The following MTMR8 variants were observed in gnomAD, a reference collection of about 807,000 sequenced individuals.
The protein encoded by MTMR8 is myotubularin related protein 8, also known as phosphatidylinositol-3,5-bisphosphate 3-phosphatase MTMR8.
A neutral mutation model predicts 39.3 loss-of-function variants in MTMR8; 65 were observed. That is an observed-to-expected ratio of 1.65 (90% CI 1.35 to 2.03). The LOEUF (loss-of-function observed/expected upper bound fraction) is 2.03, where lower values mean the gene tolerates loss of function less well. MTMR8 is among the 30% of genes most tolerant of loss of function. MTMR8 has a pLI of 0.00. For missense variants in MTMR8, 777 were observed against 538.9 expected, an observed-to-expected ratio of 1.44 and a Z score of -4.37; for synonymous variants, 245 against 185.2, an observed-to-expected ratio of 1.32 and a Z score of -2.62.
intron 12 of MTMR8, among the ~76,000 whole-genome samples, chrX:64,320,036 G>A (rs756045651): frequency 9.0e-6 from 1 of 111,488 alleles, no homozygotes; most frequent in East Asian, 2.8e-4. Flanking sequence ...CTATCCATGA[G>A]CATGGAATGT....
At chrX:64,269,860 G>A (rs979993810) in intron 13 of MTMR8, among the ~76,000 whole-genome samples, 9 of 111,708 alleles carry the variant, frequency 8.1e-5, no homozygotes, top group African/African-American at 2.9e-4. Context: ...ATTAAAAAAA[G>A]AAAGTTAATA....
At chrX:64,354,003 A>G (rs1923551552) in intron 4 of MTMR8, among the ~76,000 whole-genome samples, 1 of 110,730 alleles carries the variant, frequency 9.0e-6, no homozygotes, top group South Asian at 3.8e-4. Flanking sequence ...TAATCCTGTC[A>G]TTTGCAACAA....
intron 1 of MTMR8, among the ~76,000 whole-genome samples, chrX:64,359,891 AAGAT>A: frequency 9.3e-6 from 1 of 107,256 alleles, no homozygotes; most frequent in African/African-American, 3.4e-5. Context: ...AAATAACATG[AAGAT>A]AGATCTTACG....
intron 12 of MTMR8, among the ~76,000 whole-genome samples, chrX:64,297,873 T>C (rs1281533016): frequency 9.3e-6 from 1 of 107,026 alleles, no homozygotes. Flanking sequence ...CTCAGGTTTG[T>C]CAAAGATCAG....
intron 12 of MTMR8, among the ~76,000 whole-genome samples, chrX:64,281,925 CAA>C (rs200794848): frequency 4.7e-5 from 4 of 85,200 alleles, no homozygotes; most frequent in Non-Finnish European, 2.3e-5. Context: ...AGATACTTCT[CAA>C]AAAAAAAAAA....
chrX:64,274,674 C>A (rs1475799957), intron 12 of MTMR8, among the ~76,000 whole-genome samples: 1 of 111,727 alleles, frequency 9.0e-6, no homozygotes, highest in African/African-American at 3.3e-5. Flanking sequence ...CAATAGATGA[C>A]TGAATAAAGA....
chrX:64,327,254 AC>A lies in MTMR8; in HGVS notation c.1481+1517del, dbSNP rs756492864. ...AATCAACAAAGTGAAGAGATAACCC[AC>A]AGAATGGAAGAAAATATTTGCAAAC... On this transcript the variant is annotated intron_variant, in intron 12 of 13. Transcript: ENST00000374852. Among the ~76,000 whole-genome samples, 25 of 112,111 alleles carry A rather than the reference AC, an allele frequency of 2.2e-4. No individual in the cohort carries two copies. In the East Asian group the frequency reaches 3.6e-3, roughly 16 times the overall value.
chrX:64,338,128 G>C (rs1923123323), intron 8 of MTMR8, among the ~76,000 whole-genome samples: 1 of 111,959 alleles, frequency 8.9e-6, no homozygotes, highest in South Asian at 3.7e-4. Flanking sequence ...ATATTCTTTT[G>C]CAGGAGCCAG....
At chrX:64,286,763 C>G (rs1569210284) in intron 12 of MTMR8, among the ~76,000 whole-genome samples, 1 of 111,460 alleles carries the variant, frequency 9.0e-6, no homozygotes, top group Non-Finnish European at 1.9e-5. Flanking sequence ...AATTCAACAG[C>G]CCTTCATGCT....
intron 12 of MTMR8, among the ~76,000 whole-genome samples, chrX:64,300,770 T>C (rs1342679959): frequency 9.5e-6 from 1 of 105,601 alleles, no homozygotes; most frequent in Non-Finnish European, 2.0e-5. Context: ...AGGGCAGGCC[T>C]GGTGGTGACA....
intron 1 of MTMR8, among the ~76,000 whole-genome samples, chrX:64,361,265 C>A (rs1472317339): frequency 9.0e-6 from 1 of 111,021 alleles, no homozygotes; most frequent in African/African-American, 3.3e-5. Context: ...ACTAAACTTC[C>A]AAAATATAAT....
At chrX:64,306,547 A>G (rs1456811502) in intron 12 of MTMR8, 1 of 120,948 alleles carries the variant, frequency 8.3e-6, no homozygotes, top group Non-Finnish European at 1.7e-5. Flanking sequence ...TACACTCCAT[A>G]ATCATCATTT....
At chrX:64,359,636 T>G in intron 1 of MTMR8, 109 bp from the exon 2 acceptor site, 1 of 800,362 alleles carries the variant, frequency 1.2e-6, no homozygotes, top group Non-Finnish European at 1.7e-6. Flanking sequence ...AAAACTCGAG[T>G]CTTTCCAGTT....
chrX:64,298,243 C>G (rs2147197493), intron 12 of MTMR8, among the ~76,000 whole-genome samples: 1 of 104,245 alleles, frequency 9.6e-6, no homozygotes, highest in South Asian at 4.5e-4. Flanking sequence ...TTGTTTGTAT[C>G]CTCTTTTATT....
chrX:64,358,780 C>A (rs1923694874), intron 2 of MTMR8, among the ~76,000 whole-genome samples: 1 of 108,776 alleles, frequency 9.2e-6, no homozygotes, highest in African/African-American at 3.4e-5. Context: ...TGTTGGGGTG[C>A]TGAATTAATT....
chrX:64,374,796 A>T (rs905593775), intron 1 of MTMR8, among the ~76,000 whole-genome samples: 1 of 110,602 alleles, frequency 9.0e-6, no homozygotes, highest in Non-Finnish European at 1.9e-5. Context: ...GGTGGGCTGC[A>T]AATCCAGTGA....
chrX:64,273,455 T>C (rs1448394319), intron 12 of MTMR8, among the ~76,000 whole-genome samples: 1 of 98,771 alleles, frequency 1.0e-5, no homozygotes, highest in African/African-American at 3.7e-5. Context: ...GTGAAAGAAA[T>C]CAAAGCATAC....
At chrX:64,384,297 G>T (rs1278979549) in intron 1 of MTMR8, among the ~76,000 whole-genome samples, 1 of 111,592 alleles carries the variant, frequency 9.0e-6, no homozygotes, top group African/African-American at 3.3e-5. Context: ...GTAGGTGAAT[G>T]CCTCCAGGTT....
rs574063609 is a variant in MTMR8 at position 64,305,966 on chromosome X, T to A, written c.1481+22806A>T. 775 of 197,713 alleles carry A rather than the reference T, an allele frequency of 3.9e-3. 12 individuals are homozygous for A. The South Asian group carries it at 0.063, about 16-fold the overall frequency. The allele number at this position is 197,713 out of a possible 1,213,427, so 16.3% of individuals were successfully genotyped here. A position where few individuals can be genotyped will look rare whatever the true frequency, so the allele number is the denominator to read the frequency against. On this transcript the variant is annotated intron_variant, in intron 12 of 13. Coordinates refer to ENST00000374852, the MANE Select transcript of MTMR8 (RefSeq NM_017677.4). ...CCTGTCTCTACAAACAATTTAAACATTTAGCTGGGTGTGGTGGCACGCACT... is the reference window on the plus strand; with the variant it reads ...CCTGTCTCTACAAACAATTTAAACAATTAGCTGGGTGTGGTGGCACGCACT...
Sources: gnomAD v4.1 joint callset for allele counts (sites outside exome capture counted in the v4.1 genomes callset) on GRCh38, gnomAD v4.1.1 for gene constraint, MANE v1.5 for transcripts, NCBI Gene and HGNC (gene_info 2026-07-23, HGNC 2026-07-21) for gene names.